The following SLA2 variants were observed in gnomAD, a reference collection of about 807,000 sequenced individuals.
The protein encoded by SLA2 is src-like-adapter 2.
SLA2 carries 22 observed loss-of-function variants against 27.3 expected under a neutral mutation model. The observed-to-expected ratio is 0.81, with a 90% CI of 0.58 to 1.15. The LOEUF is 1.15. Among genes scored for constraint, SLA2 ranks in the 50% most tolerant of loss-of-function variants. SLA2 has a pLI of 0.00. For missense variants in SLA2, 304 were observed against 322.2 expected, an observed-to-expected ratio of 0.94 and a Z score of 0.43; for synonymous variants, 131 against 137.8, an observed-to-expected ratio of 0.95 and a Z score of 0.34.
At position 36,643,823 on chromosome 20, in the gene SLA2, G is replaced by A. The variant is rs575158211; in HGVS notation, c.-44+2014C>T. Reference sequence around the variant, plus strand: ...AAAAATGAGCCGGGTGTGGTGGTGGGTACCTGTAATCCCAGCTACTCGGGA... The same window carrying A: ...AAAAATGAGCCGGGTGTGGTGGTGGATACCTGTAATCCCAGCTACTCGGGA... On this transcript the variant is annotated intron_variant, in intron 1 of 7. Coordinates refer to ENST00000262866, the MANE Select transcript of SLA2 (RefSeq NM_032214.4). 2.6e-5 allele frequency among the ~76,000 whole-genome samples: 4 copies of A among 152,192 alleles called. No homozygotes were observed. In the East Asian group the frequency reaches 5.8e-4, roughly 22 times the overall value.
rs1376639132 is a variant in SLA2 at position 36,627,818 on chromosome 20, C to G, written c.382+4777G>C. 1.3e-5 allele frequency among the ~76,000 whole-genome samples: 2 copies of G among 152,150 alleles called. 1 individual carries two copies. Among genetic ancestry groups the G allele is most frequent in the East Asian group, 3.9e-4 (2 of 5,194 alleles). ...GAAGGACTTGGGAAGATGGGGTCTTCCTGCTCCGGACTCTGATTAGTGTTC... is the reference window on the plus strand; with the variant it reads ...GAAGGACTTGGGAAGATGGGGTCTTGCTGCTCCGGACTCTGATTAGTGTTC... On this transcript the variant is annotated intron_variant, in intron 5 of 7. Transcript: ENST00000262866.
intron 1 of SLA2, among the ~76,000 whole-genome samples, chr20:36,642,919 C>G (rs570733617): frequency 6.6e-6 from 1 of 152,234 alleles, no homozygotes; most frequent in Non-Finnish European, 1.5e-5. Flanking sequence ...TGCCATGTTG[C>G]CCAGGCTGTT....
chr20:36,639,980 T>C lies in SLA2; in HGVS notation c.91+1265A>G, dbSNP rs190361175. ...AAATCATGGTTATAGACTCAGCATA[T>C]GCATTGTATATGCTATTTTTCCACC... On this transcript the variant is annotated intron_variant, in intron 2 of 7. Coordinates refer to ENST00000262866, the MANE Select transcript of SLA2 (RefSeq NM_032214.4). Among the ~76,000 whole-genome samples, 1,277 of 152,250 alleles carry C rather than the reference T, an allele frequency of 8.4e-3. 22 individuals carry two copies. Among genetic ancestry groups the C allele is most frequent in the African/African-American group, 0.03 (1,236 of 41,552 alleles).
At chr20:36,621,390 T>C in intron 5 of SLA2, 1 of 586,214 alleles carries the variant, frequency 1.7e-6, no homozygotes, top group Non-Finnish European at 3.3e-6. Context: ...GATGTGGTGG[T>C]GTAAGTGGTA....
intron 5 of SLA2, 57 bp downstream of exon 5, chr20:36,632,538 G>C: frequency 7.4e-7 from 1 of 1,358,828 alleles, no homozygotes; most frequent in East Asian, 2.3e-5. Context: ...ATATCTGTGG[G>C]CTCCTTTCTG....
Position 36,641,192 on chromosome 20 carries a change from G to C in SLA2, c.91+53C>G, listed in dbSNP as rs2039503092. The stretch of plus-strand genomic sequence containing the variant: ...GGCCAGGAAGGCCCACAGAGGCAGT[G>C]AAGTCTAGTACTGTGTGGGAAGAGC... On this transcript the variant is annotated intron_variant, in intron 2 of 7. Transcript: ENST00000262866. 5.4e-5 allele frequency: 79 copies of C among 1,466,160 alleles called. 1 individual carries two copies. The South Asian group carries it at 8.2e-4, about 15-fold the overall frequency. 90.8% of individuals were successfully genotyped at this position (1,466,160 alleles called of 1,614,324 possible).
At chr20:36,615,781 C>T (rs1020715815) in intron 5 of SLA2, among the ~76,000 whole-genome samples, 1 of 152,176 alleles carries the variant, frequency 6.6e-6, no homozygotes, top group Non-Finnish European at 1.5e-5. Flanking sequence ...AACAGTTTGG[C>T]ATTAACTAGA....
intron 5 of SLA2, chr20:36,620,575 T>G (rs111431205): frequency 1.3e-5 from 2 of 153,462 alleles, no homozygotes; most frequent in African/African-American, 5.1e-5. Flanking sequence ...CTTTTTTTTT[T>G]TTTTTTTTTT....
At chr20:36,641,676 A>T (rs1048920234) in intron 1 of SLA2, among the ~76,000 whole-genome samples, 1 of 151,882 alleles carries the variant, frequency 6.6e-6, no homozygotes, top group African/African-American at 2.4e-5. Context: ...TCCTGTTTGG[A>T]TCCCATTCTT....
chr20:36,613,977 CAGG>C lies in SLA2; in HGVS notation c.672_674del (p.Leu225del). On this transcript the variant is annotated inframe_deletion, in exon 8 of 8. Coordinates refer to ENST00000262866, the MANE Select transcript of SLA2 (RefSeq NM_032214.4). The stretch of plus-strand genomic sequence containing the variant: ...CCTCCCCTGTGGCAGCTTCAGAAAA[CAGG>C]AGGGAGCTGTGGACAAAGGAAGATA... 6.2e-7 allele frequency: 1 copy of C among 1,614,048 alleles called. No homozygotes were observed. Among genetic ancestry groups the C allele is most frequent in the Non-Finnish European group, 8.5e-7 (1 of 1,179,980 alleles).
At chr20:36,644,875 T>A (rs1044371448) in intron 1 of SLA2, among the ~76,000 whole-genome samples, 1 of 149,268 alleles carries the variant, frequency 6.7e-6, no homozygotes, top group African/African-American at 2.5e-5. Context: ...TGTGTTTTTT[T>A]TTTTTTTTTT....
rs1309211902 is a variant in SLA2 at position 36,615,279 on chromosome 20, T to G, written c.478A>C (p.Ile160Leu). Residue 160 changes from isoleucine (I) to leucine (L), a missense_variant, in exon 6 of 8, where the codon ATC becomes CTC. By Grantham distance (5) the Ile-to-Leu change is conservative (BLOSUM62 2). Transcript: ENST00000262866. The part of the protein sequence containing the change: ...IHCLDNGWLY[I>L]SPRLTFPSLQ... ...GAGGGGAAGGTGAGGCGCGGTGAGA[T>G]GTACAGCCAGCCATTGTCAAGGCAG... 1.9e-6 allele frequency: 3 copies of G among 1,614,046 alleles called. No individual in the cohort carries two copies. Among genetic ancestry groups the G allele is most frequent in the Non-Finnish European group, 2.5e-6 (3 of 1,180,014 alleles).
chr20:36,615,900 G>A (rs778896706), intron 5 of SLA2, among the ~76,000 whole-genome samples: 1 of 152,128 alleles, frequency 6.6e-6, no homozygotes, highest in African/African-American at 2.4e-5. Context: ...AGTCAAAAAC[G>A]GCAAACAGCC....
rs551763244 is a variant in SLA2, at chr20:36,635,599, T to TG, written c.92-1011dup. ...TCCTCCCAGACACGTGTGGAGACCC[T>TG]GCAGTGAACCCAGCCTGGAGAGCTC... On this transcript the variant is annotated intron_variant, in intron 2 of 7. Coordinates refer to ENST00000262866, the MANE Select transcript of SLA2 (RefSeq NM_032214.4). Among the ~76,000 whole-genome samples, 18 of 152,218 alleles carry TG rather than the reference T, an allele frequency of 1.2e-4. No homozygotes were observed. The East Asian group carries it at 3.5e-3, about 29-fold the overall frequency.
chr20:36,639,187 C>T (rs778552722), intron 2 of SLA2, among the ~76,000 whole-genome samples: 6 of 152,098 alleles, frequency 3.9e-5, no homozygotes, highest in Non-Finnish European at 7.3e-5. Flanking sequence ...TGCAGATAAC[C>T]GTCCATAATG....
intron 5 of SLA2, chr20:36,621,332 G>T: frequency 1.6e-6 from 1 of 615,594 alleles, no homozygotes; most frequent in Admixed American, 1.9e-5. Context: ...ATGAAAGGAG[G>T]CAGTTTTGGT....
rs75139076 is a variant in SLA2 at position 36,640,906 on chromosome 20, T to C, written c.91+339A>G. On this transcript the variant is annotated intron_variant, in intron 2 of 7. Coordinates refer to ENST00000262866, the MANE Select transcript of SLA2 (RefSeq NM_032214.4). ...GCTCTGGGGGCTGGGGAGGTGGGGC[T>C]GGCCAGCTCGGTGTTTGGATAAACA... Among the ~76,000 whole-genome samples, 378 of 152,268 alleles carry C rather than the reference T, an allele frequency of 2.5e-3. 1 individual carries two copies. Among genetic ancestry groups the C allele is most frequent in the Middle Eastern group, 0.014 (4 of 294 alleles).
intron 2 of SLA2, among the ~76,000 whole-genome samples, chr20:36,634,815 GAAA>G (rs1033580503): frequency 6.8e-6 from 1 of 147,978 alleles, no homozygotes; most frequent in Non-Finnish European, 1.5e-5. Flanking sequence ...GAGAAAGAAA[GAAA>G]AAAAAAATAG....
intron 5 of SLA2, among the ~76,000 whole-genome samples, chr20:36,619,220 G>GA (rs60021707): frequency 0.18 from 12,882 of 70,914 alleles, 1,164 homozygotes; most frequent in Non-Finnish European, 0.24. Flanking sequence ...GACTCTGGGG[G>GA]AAAAAAAAAA....
Sources: allele counts gnomAD v4.1 joint callset (sites outside exome capture counted in the v4.1 genomes callset), GRCh38; gene constraint gnomAD v4.1.1; transcripts MANE v1.5; gene names NCBI Gene and HGNC (gene_info 2026-07-23, HGNC 2026-07-21).